Variants in GPC6 observed in about 807,000 individuals in gnomAD.
GPC6 encodes glypican-6.
In GPC6, 14 loss-of-function variants were observed where a neutral mutation model predicts 55.2. The observed-to-expected ratio is 0.25, with a 90% confidence interval of 0.17 to 0.40. GPC6 has a LOEUF of 0.40. GPC6 is among the 10% of genes least tolerant of loss of function. GPC6 has a pLI of 1.00. For missense variants in GPC6, 641 were observed against 708.5 expected (o/e 0.90, Z 1.08); for synonymous variants, 278 against 259.6 (o/e 1.07, Z -0.68).
chr13:93,610,001 C>A (rs1031160901), intron 2 of GPC6, among the ~76,000 whole-genome samples: 1 of 152,194 alleles, frequency 6.6e-6, no homozygotes, highest in Admixed American at 6.5e-5. Context: ...TCCCCTGAAG[C>A]ATTTCTCTTC....
intron 1 of GPC6, among the ~76,000 whole-genome samples, chr13:93,253,423 C>A (rs1325633087): frequency 6.6e-6 from 1 of 152,140 alleles, no homozygotes; most frequent in Admixed American, 6.5e-5. Flanking sequence ...AGGTCAGAAA[C>A]AATTTATTTT....
intron 1 of GPC6, among the ~76,000 whole-genome samples, chr13:93,474,121 A>G (rs367653729): frequency 1.8e-4 from 27 of 152,282 alleles, no homozygotes; most frequent in African/African-American, 6.3e-4. Context: ...TGATATTTAT[A>G]TTTTTAGTGG....
intron 1 of GPC6, among the ~76,000 whole-genome samples, chr13:93,362,414 C>G (rs4771873): frequency 6.6e-6 from 1 of 152,144 alleles, no homozygotes; most frequent in African/African-American, 2.4e-5. Flanking sequence ...TCTCTTTGAT[C>G]AAGGGCTGTA....
At chr13:93,580,863 T>A (rs994200294) in intron 2 of GPC6, among the ~76,000 whole-genome samples, 2 of 152,210 alleles carry the variant, frequency 1.3e-5, no homozygotes, top group African/African-American at 4.8e-5. Flanking sequence ...CCAGCCAGCA[T>A]CTATTGCATA....
chr13:93,260,418 A>T (rs1328372), intron 1 of GPC6, among the ~76,000 whole-genome samples: 77,965 of 151,798 alleles, frequency 0.51, 20,304 homozygotes, highest in Admixed American at 0.61. Flanking sequence ...TTTGGAAAAG[A>T]ATCTCAGTGT....
At chr13:93,412,286 A>C (rs150273421) in intron 1 of GPC6, among the ~76,000 whole-genome samples, 430 of 152,298 alleles carry the variant, frequency 2.8e-3, no homozygotes, top group African/African-American at 9.8e-3. Context: ...CCACCTTTTC[A>C]AGACAATAGT....
intron 2 of GPC6, among the ~76,000 whole-genome samples, chr13:93,823,487 A>T (rs1223821387): frequency 6.6e-6 from 1 of 152,112 alleles, no homozygotes. Context: ...TTGCCTTGCA[A>T]GTAAGTAAAG....
intron 6 of GPC6, 135 bp downstream of exon 6, chr13:94,306,258 G>C: frequency 1.2e-6 from 1 of 863,280 alleles, no homozygotes; most frequent in Non-Finnish European, 1.9e-6. Flanking sequence ...TTCTTAATTA[G>C]AATATTGAAA....
At chr13:94,362,164 A>T (rs1011919249) in intron 6 of GPC6, among the ~76,000 whole-genome samples, 1 of 152,232 alleles carries the variant, frequency 6.6e-6, no homozygotes, top group Non-Finnish European at 1.5e-5. Context: ...GCTGAAATGG[A>T]TACAAAGAAT....
intron 4 of GPC6, among the ~76,000 whole-genome samples, chr13:94,251,724 A>G (rs199722971): frequency 1.0e-3 from 143 of 136,528 alleles, no homozygotes; most frequent in Non-Finnish European, 1.6e-3. Context: ...AAAAAAAAAA[A>G]CAAAAACAAA....
intron 6 of GPC6, among the ~76,000 whole-genome samples, chr13:94,364,092 A>G (rs1171710590): frequency 2.0e-5 from 3 of 152,204 alleles, no homozygotes; most frequent in Admixed American, 6.5e-5. Context: ...TGTGGCTTAC[A>G]TGATGTTTCT....
At chr13:94,145,257 A>G (rs1887521833) in intron 4 of GPC6, among the ~76,000 whole-genome samples, 1 of 152,148 alleles carries the variant, frequency 6.6e-6, no homozygotes. Context: ...AGCACCTTCT[A>G]CATGGTAAGA....
At chr13:93,804,018 G>A (rs1229054124) in intron 2 of GPC6, among the ~76,000 whole-genome samples, 1 of 152,140 alleles carries the variant, frequency 6.6e-6, no homozygotes, top group Non-Finnish European at 1.5e-5. Context: ...GAGCAGTTAT[G>A]AATAGGTGAA....
chr13:93,888,581 T>C (rs1375700184), intron 3 of GPC6, among the ~76,000 whole-genome samples: 2 of 152,166 alleles, frequency 1.3e-5, no homozygotes, highest in Non-Finnish European at 2.9e-5. Flanking sequence ...TTAGACTACC[T>C]TGCTATCTGA....
intron 3 of GPC6, among the ~76,000 whole-genome samples, chr13:93,995,451 G>A (rs1201808609): frequency 2.6e-5 from 4 of 152,086 alleles, no homozygotes; most frequent in East Asian, 3.9e-4. Flanking sequence ...GCCTCCCAAA[G>A]TGCTGGAATA....
chr13:94,372,318 G>C (rs1246294270), intron 6 of GPC6, among the ~76,000 whole-genome samples: 1 of 152,170 alleles, frequency 6.6e-6, no homozygotes, highest in Non-Finnish European at 1.5e-5. Flanking sequence ...CATCTCACTA[G>C]GGAGTGCCAG....
intron 4 of GPC6, among the ~76,000 whole-genome samples, chr13:94,141,788 A>G (rs1324602501): frequency 6.6e-6 from 1 of 152,230 alleles, no homozygotes; most frequent in Non-Finnish European, 1.5e-5. Context: ...AGTTTCATTG[A>G]GAATATGCAC....
At chr13:93,653,250 A>G (rs1880499617) in intron 2 of GPC6, among the ~76,000 whole-genome samples, 1 of 152,274 alleles carries the variant, frequency 6.6e-6, no homozygotes, top group East Asian at 1.9e-4. Context: ...TCTCTCTTGT[A>G]TGTCTATGGA....
At chr13:94,363,069 T>A (rs1319749803) in intron 6 of GPC6, among the ~76,000 whole-genome samples, 1 of 151,962 alleles carries the variant, frequency 6.6e-6, no homozygotes, top group African/African-American at 2.4e-5. Context: ...GGCCCTGGTG[T>A]GTGATGTTGC....
Sources: gnomAD v4.1 joint callset for allele counts (sites outside exome capture counted in the v4.1 genomes callset) on GRCh38, gnomAD v4.1.1 for gene constraint, MANE v1.5 for transcripts, NCBI Gene and HGNC (gene_info 2026-07-23, HGNC 2026-07-21) for gene names.